Variants in IGSF21 observed in about 807,000 individuals in gnomAD.
The protein encoded by IGSF21 is immunoglobin superfamily member 21, also known as immunoglobulin superfamily member 21.
Under a neutral mutation model 46.8 loss-of-function variants are expected in IGSF21, and 28 were observed. That is an observed-to-expected ratio of 0.60 (90% CI 0.44 to 0.82). The LOEUF (loss-of-function observed/expected upper bound fraction) is 0.82. Ranked by LOEUF, IGSF21 falls within the 40% of genes least tolerant of loss-of-function variation. IGSF21 has a pLI of 0.00. For synonymous variants in IGSF21, 284 were observed against 273.6 expected (o/e 1.04, Z -0.38); for missense variants, 624 against 665.5 (o/e 0.94, Z 0.69).
chr1:18,112,933 T>C (rs562558018), intron 1 of IGSF21: 1 of 152,354 alleles, frequency 6.6e-6, no homozygotes, highest in East Asian at 1.9e-4. Flanking sequence ...ACAATCTATT[T>C]TGTCCATCCT....
chr1:18,348,308 T>C (rs773141682), intron 4 of IGSF21, among the ~76,000 whole-genome samples: 3 of 152,202 alleles, frequency 2.0e-5, no homozygotes, highest in South Asian at 4.1e-4. Flanking sequence ...TCTAGGCAGG[T>C]GTCTGAAGCC....
chr1:18,139,160 G>A (rs1389596434), intron 1 of IGSF21, among the ~76,000 whole-genome samples: 1 of 152,134 alleles, frequency 6.6e-6, no homozygotes, highest in African/African-American at 2.4e-5. Context: ...GATAATTTGT[G>A]GTATATATAA....
intron 1 of IGSF21, among the ~76,000 whole-genome samples, chr1:18,169,777 C>T (rs1275350279): frequency 6.6e-6 from 1 of 152,108 alleles, no homozygotes; most frequent in Non-Finnish European, 1.5e-5. Context: ...CGGGGAAGGA[C>T]TGTCCTTGGG....
chr1:18,243,295 C>T (rs533158985), intron 2 of IGSF21, among the ~76,000 whole-genome samples: 7 of 152,138 alleles, frequency 4.6e-5, no homozygotes, highest in South Asian at 4.1e-4. Flanking sequence ...TCCACCTCAG[C>T]GAACGGCATC....
At chr1:18,366,167 A>G (rs2086163022) in intron 6 of IGSF21, among the ~76,000 whole-genome samples, 1 of 152,184 alleles carries the variant, frequency 6.6e-6, no homozygotes, top group Non-Finnish European at 1.5e-5. Context: ...GAGTTTGTAC[A>G]GTCCAGATAA....
At chr1:18,349,398 AGGAGGGAGTCCTTCCTCCAGAGGAG>A (rs2085927125) in intron 4 of IGSF21, among the ~76,000 whole-genome samples, 1 of 152,112 alleles carries the variant, frequency 6.6e-6, no homozygotes, top group Admixed American at 6.5e-5. Flanking sequence ...GAGATGAGGA[AGGAGGGAGTCCTTCCTCCAGAGGAG>A]GGCATCAGGA....
intron 2 of IGSF21, among the ~76,000 whole-genome samples, chr1:18,286,006 C>T (rs2085209219): frequency 6.6e-6 from 1 of 152,154 alleles, no homozygotes; most frequent in Admixed American, 6.6e-5. Context: ...ATGATCCTTC[C>T]CGTTTTGCAG....
In IGSF21 at chr1:18,334,927, A is replaced by G. The variant is rs2085751250; in HGVS notation, c.341A>G (p.Tyr114Cys). ...GTCCGGATCTCAGACAATGGTCCCT[A>G]TGAGTGCCATGTGGGCATCTACGAC... ...PEVRISDNGP[Y>C]ECHVGIYDRA... Residue 114 changes from tyrosine to cysteine, a missense_variant, in exon 4 of 10, where the codon TAT (tyrosine) becomes TGT (cysteine). Tyr to Cys is a radical substitution (Grantham distance 194, BLOSUM62 -2). Transcript: ENST00000251296. This position sits in a 1 kb window ranked among gnomAD's most constrained non-coding sequence, Gnocchi z 4.3. The G allele has an allele frequency of 1.2e-6, 2 of 1,614,056 alleles. No homozygotes were observed. The highest frequency in any genetic ancestry group is 2.2e-5 in the South Asian group (2 of 91,082).
chr1:18,287,185 A>ATAAATAAATAAAT (rs201023013), intron 2 of IGSF21, among the ~76,000 whole-genome samples: 1 of 134,300 alleles, frequency 7.4e-6, no homozygotes, highest in Non-Finnish European at 1.6e-5. Flanking sequence ...CGTCTCAAAA[A>ATAAATAAATAAAT]AAAAAAATAA....
chr1:18,370,342 G>A (rs564147765), intron 6 of IGSF21, among the ~76,000 whole-genome samples: 12 of 152,208 alleles, frequency 7.9e-5, no homozygotes, highest in East Asian at 3.9e-4. Flanking sequence ...CCCCCAAGGC[G>A]GTTCAATCAG....
At chr1:18,331,482 T>C (rs1172682396) in intron 3 of IGSF21, among the ~76,000 whole-genome samples, 1 of 152,266 alleles carries the variant, frequency 6.6e-6, no homozygotes, top group Non-Finnish European at 1.5e-5. Flanking sequence ...TATAGATATA[T>C]ACCACAGTTT....
chr1:18,205,326 G>C (rs1229869446), intron 1 of IGSF21, among the ~76,000 whole-genome samples: 1 of 152,144 alleles, frequency 6.6e-6, no homozygotes, highest in African/African-American at 2.4e-5. Context: ...TCACCAGAGA[G>C]AGATGTCATT....
chr1:18,263,275 T>C (rs1374420369), intron 2 of IGSF21, among the ~76,000 whole-genome samples: 1 of 152,184 alleles, frequency 6.6e-6, no homozygotes, highest in Non-Finnish European at 1.5e-5. Context: ...TCTTACTGCC[T>C]GGGAGCCATT....
chr1:18,374,315 T>C (rs181556851), intron 6 of IGSF21, among the ~76,000 whole-genome samples: 9 of 152,350 alleles, frequency 5.9e-5, no homozygotes, highest in Admixed American at 1.3e-4. Flanking sequence ...ATTATGCATA[T>C]GGCACTTCAT....
chr1:18,376,355 G>A lies in IGSF21; in HGVS notation c.1061G>A (p.Arg354Gln), dbSNP rs1158822899. The A allele has an allele frequency of 3.7e-6, 6 of 1,613,866 alleles. No individual in the cohort carries two copies. Among genetic ancestry groups the A allele is most frequent in the Admixed American group, 1.7e-5 (1 of 59,986 alleles). ...ATTGTGATGACGCCCAGCAGAGCCC[G>A]GGTAGGGGACACAGTGAGGATTCTG... ...PKIVMTPSRA[R>Q]VGDTVRILVH... Residue 354 changes from arginine (R) to glutamine (Q), a missense_variant, in exon 7 of 10, where the codon CGG becomes CAG. Transcript: ENST00000251296.
chr1:18,263,037 C>G (rs991002995), intron 2 of IGSF21, among the ~76,000 whole-genome samples: 2 of 152,174 alleles, frequency 1.3e-5, no homozygotes, highest in Non-Finnish European at 2.9e-5. Flanking sequence ...TCTGGACATC[C>G]GCAGGATGGG....
At chr1:18,312,903 C>T (rs955722415) in intron 3 of IGSF21, among the ~76,000 whole-genome samples, 2 of 152,212 alleles carry the variant, frequency 1.3e-5, no homozygotes, top group Non-Finnish European at 2.9e-5. Flanking sequence ...TTTGCTTCCT[C>T]TGTTGGACAG....
At chr1:18,177,134 C>A (rs55862231) in intron 1 of IGSF21, among the ~76,000 whole-genome samples, 1 of 152,112 alleles carries the variant, frequency 6.6e-6, no homozygotes, top group Non-Finnish European at 1.5e-5. Context: ...ATTGCTTGAT[C>A]CAAGAAGCTG....
intron 6 of IGSF21, among the ~76,000 whole-genome samples, chr1:18,372,618 T>TTGGATGGATGCATAGA (rs1557666073): frequency 1.5e-4 from 13 of 85,892 alleles, no homozygotes; most frequent in Non-Finnish European, 2.6e-4. Context: ...GGGTGGATGT[T>TTGGATGGATGCATAGA]TGGATGGATG....
Sources: allele counts gnomAD v4.1 joint callset (sites outside exome capture counted in the v4.1 genomes callset), GRCh38; gene constraint gnomAD v4.1.1; non-coding constraint Gnocchi (gnomAD v3.1); transcripts MANE v1.5; gene names NCBI Gene and HGNC (gene_info 2026-07-23, HGNC 2026-07-21).